The following PCDHGA3 variants were observed in gnomAD, a reference collection of about 807,000 sequenced individuals.
PCDHGA3 encodes the protein protocadherin gamma-A3.
In PCDHGA3, 40 loss-of-function variants were observed where a neutral mutation model predicts 58.5. The ratio of observed to expected loss-of-function variants is 0.68; its 90% CI spans 0.53 to 0.89. The LOEUF (loss-of-function observed/expected upper bound fraction) is 0.89, where lower values mean the gene tolerates loss of function less well. Ranked by LOEUF, PCDHGA3 falls within the 40% of genes least tolerant of loss-of-function variation. The pLI, the probability that PCDHGA3 is intolerant of heterozygous loss-of-function variation, is 0.00. For missense variants in PCDHGA3, 1,223 were observed against 1,195.9 expected, an observed-to-expected ratio of 1.02 and a Z score of -0.33; for synonymous variants, 530 against 525.7, an observed-to-expected ratio of 1.01 and a Z score of -0.11.
At chr5:141,357,342 C>G in intron 1 of PCDHGA3, 2 of 1,614,144 alleles carry the variant, frequency 1.2e-6, no homozygotes, top group Non-Finnish European at 1.7e-6. Flanking sequence ...TGCTAGCACT[C>G]AAGCTGAGAC....
chr5:141,379,662 C>T (rs995589385), intron 1 of PCDHGA3: 1 of 152,126 alleles, frequency 6.6e-6, no homozygotes, highest in Non-Finnish European at 1.5e-5. Flanking sequence ...TCTACTCTCA[C>T]AAAAGTCATT....
intron 1 of PCDHGA3, chr5:141,402,866 T>A (rs1339290452): frequency 4.2e-6 from 6 of 1,442,196 alleles, no homozygotes; most frequent in Non-Finnish European, 5.5e-6. Context: ...AAGGAAAAGA[T>A]CACCATACTT....
In PCDHGA3 at chr5:141,511,161, G is replaced by A; in HGVS notation, c.2787G>A (p.Lys929=). 1 of 1,614,176 alleles carries A rather than the reference G, an allele frequency of 6.2e-7. No individual in the cohort carries two copies. The highest frequency in any genetic ancestry group is 8.5e-7 in the Non-Finnish European group (1 of 1,180,010). ...GNGNKKKSGK[K]EKK ...GCAACAAGAAGAAGTCGGGCAAGAA[G>A]GAGAAGAAGTAACATGGAGGCCAGG... Residue 929 remains lysine, a synonymous_variant, in exon 4 of 4, where the codon AAG becomes AAA. Transcript: ENST00000253812.
intron 2 of PCDHGA3, among the ~76,000 whole-genome samples, chr5:141,499,689 CTTTTTTT>C (rs545067566): frequency 8.3e-6 from 1 of 119,856 alleles, no homozygotes; most frequent in Non-Finnish European, 1.7e-5. Flanking sequence ...TAACAGATGA[CTTTTTTT>C]TTTTTTTTTT....
intron 1 of PCDHGA3, chr5:141,361,306 A>C (rs751243167): frequency 6.2e-7 from 1 of 1,613,858 alleles, no homozygotes; most frequent in African/African-American, 1.3e-5. Context: ...GGGAAATGCC[A>C]AGTTTATTTT....
chr5:141,414,210 T>C (rs1252033650), intron 1 of PCDHGA3: 1 of 1,612,706 alleles, frequency 6.2e-7, no homozygotes, highest in East Asian at 2.2e-5. Flanking sequence ...AAGATGTAAA[T>C]GACAACAGTC....
At chr5:141,403,420 A>G in intron 1 of PCDHGA3, 1 of 1,614,050 alleles carries the variant, frequency 6.2e-7, no homozygotes, top group African/African-American at 1.3e-5. Flanking sequence ...CACTTCCAGA[A>G]GCTATTGATC....
intron 1 of PCDHGA3, chr5:141,351,210 C>T: frequency 6.2e-7 from 1 of 1,613,986 alleles, no homozygotes; most frequent in Non-Finnish European, 8.5e-7. Context: ...AGTGTGGAAG[C>T]TAAGGATGGA....
intron 1 of PCDHGA3, chr5:141,400,304 G>T: frequency 6.2e-7 from 1 of 1,614,048 alleles, no homozygotes; most frequent in African/African-American, 1.3e-5. Context: ...TTCCAACCTG[G>T]TCTCTGTGTC....
At chr5:141,356,841 A>G in intron 1 of PCDHGA3, 5 of 1,614,138 alleles carry the variant, frequency 3.1e-6, no homozygotes, top group Non-Finnish European at 4.2e-6. Flanking sequence ...GCAATGTGTC[A>G]CTGAGCCTCT....
At position 141,476,719 on chromosome 5, in the gene PCDHGA3, C is replaced by T; in HGVS notation, c.2425-18088C>T. ...ACGCGGAGCTGGTGTTGGAGCGCGC[C>T]CTGGACCGAGAACGGGAGCCTAGTC... On this transcript the variant is annotated intron_variant, in intron 1 of 3. Coordinates refer to ENST00000253812, the MANE Select transcript of PCDHGA3 (RefSeq NM_018916.4). The surrounding 1 kb of genome is among the most constrained non-coding windows in gnomAD (Gnocchi z 7.6). The T allele has an allele frequency of 6.2e-7, 1 of 1,614,154 alleles. No homozygotes were observed.
intron 1 of PCDHGA3, chr5:141,399,446 A>G (rs2093810942): frequency 6.2e-7 from 1 of 1,613,826 alleles, no homozygotes; most frequent in South Asian, 1.1e-5. Flanking sequence ...CATATCAGAG[A>G]CGTCAACGAT....
At chr5:141,357,280 G>C in intron 1 of PCDHGA3, 2 of 1,613,938 alleles carry the variant, frequency 1.2e-6, no homozygotes. Flanking sequence ...ACTCTATCTC[G>C]TGGTGGCAGT....
chr5:141,391,964 A>G (rs917564747), intron 1 of PCDHGA3: 3 of 152,232 alleles, frequency 2.0e-5, no homozygotes, highest in Non-Finnish European at 2.9e-5. Flanking sequence ...AAACAATGTA[A>G]ATAAAATAGC....
At chr5:141,367,000 T>G (rs990183992) in intron 1 of PCDHGA3, 4 of 452,734 alleles carry the variant, frequency 8.8e-6, no homozygotes, top group Non-Finnish European at 1.5e-5. Context: ...AATATAATCA[T>G]TTTACCCAAA....
At chr5:141,456,687 A>G (rs1053490307) in intron 1 of PCDHGA3, among the ~76,000 whole-genome samples, 1 of 152,156 alleles carries the variant, frequency 6.6e-6, no homozygotes. Context: ...ATTACTGGCC[A>G]GGCGTGGTGG....
intron 1 of PCDHGA3, chr5:141,413,227 G>A (rs552225139): frequency 1.9e-5 from 30 of 1,613,938 alleles, no homozygotes; most frequent in Non-Finnish European, 2.5e-5. Flanking sequence ...CAGCGGGCTG[G>A]TCCTGCTCTG....
In PCDHGA3 at chr5:141,345,742, A is replaced by T. The variant is rs1428299449; in HGVS notation, c.1709A>T (p.Asp570Val). The change falls in exon 1 of 4, where the codon GAC (aspartate) becomes GTC (valine). Residue 570 changes from aspartate (D) to valine (V), a missense_variant. Physicochemically the swap from Asp to Val is radical, Grantham distance 152. Transcript: ENST00000253812. ...PEILYPALPT[D>V]GSTGVELAPR... ...ATCCTGTACCCCGCCCTCCCCACAG[A>T]CGGTTCCACTGGCGTGGAGCTGGCG... The T allele has an allele frequency of 1.2e-6, 2 of 1,614,140 alleles. No homozygotes were observed. The highest frequency in any genetic ancestry group is 1.7e-6 in the Non-Finnish European group (2 of 1,180,010).
At position 141,393,888 on chromosome 5, in the gene PCDHGA3, A is replaced by T. The variant is rs371905513; in HGVS notation, c.2424+47431A>T. 2.5e-6 allele frequency: 4 copies of T among 1,613,898 alleles called. No homozygotes were observed. The highest frequency in any genetic ancestry group is 1.3e-5 in the African/African-American group (1 of 74,932). On this transcript the variant is annotated intron_variant, in intron 1 of 3. Transcript: ENST00000253812. ...GTCTTTGTTTAGCCCAGTGTTAGAAAATTCTCTTCCCGGGACAGTAATTGC... is the reference window on the plus strand; with the variant it reads ...GTCTTTGTTTAGCCCAGTGTTAGAATATTCTCTTCCCGGGACAGTAATTGC...
Sources: allele counts gnomAD v4.1 joint callset (sites outside exome capture counted in the v4.1 genomes callset), GRCh38; gene constraint gnomAD v4.1.1; non-coding constraint Gnocchi (gnomAD v3.1); transcripts MANE v1.5; gene names NCBI Gene and HGNC (gene_info 2026-07-23, HGNC 2026-07-21).